Variants in ZNF679 observed in about 807,000 individuals in gnomAD.
ZNF679 encodes the protein hypothetical protein MGC42415.
In ZNF679, 10 loss-of-function variants were observed where a neutral mutation model predicts 13.4. That is an observed-to-expected ratio of 0.75 (90% CI 0.46 to 1.27). ZNF679 has a LOEUF of 1.27. Among genes scored for constraint, ZNF679 ranks in the 50% most tolerant of loss-of-function variants. The probability of loss-of-function intolerance (pLI) is 0.00; values close to 1 mark genes in which losing one functional copy is unlikely to be tolerated. For synonymous variants in ZNF679, 179 were observed against 162.5 expected, an observed-to-expected ratio of 1.10 and a Z score of -0.77; for missense variants, 525 against 477.8, an observed-to-expected ratio of 1.10 and a Z score of -0.92.
chr7:64,234,220 A>G (rs1787678435), intron 1 of ZNF679, among the ~76,000 whole-genome samples: 1 of 152,238 alleles, frequency 6.6e-6, no homozygotes, highest in African/African-American at 2.4e-5. Flanking sequence ...CACTATGACC[A>G]TCAGAATGCC....
Position 64,266,269 on chromosome 7 carries a change from C to G in ZNF679, c.636C>G (p.Tyr212Ter). 1 of 1,592,600 alleles carries G rather than the reference C, an allele frequency of 6.3e-7. No homozygotes were observed. The highest frequency in any genetic ancestry group is 1.1e-5 in the South Asian group (1 of 89,406). Reference sequence around the variant, plus strand: ...TAATTCATACTAGGGAGAATTCCTACCAATGTGAAGAATGCGGCAAACCCT... The same window carrying G: ...TAATTCATACTAGGGAGAATTCCTAGCAATGTGAAGAATGCGGCAAACCCT... ...HQIIHTRENS[Y>*]QCEECGKPFN... is the part of the protein sequence containing the mutation. Residue 212 changes from tyrosine (Y) to a stop codon, truncating the protein, a stop_gained, in exon 5 of 5, where the codon TAC (tyrosine) becomes TAG (stop). Transcript: ENST00000421025. LOFTEE classifies it low-confidence loss of function (END_TRUNC).
intron 1 of ZNF679, among the ~76,000 whole-genome samples, chr7:64,247,682 T>G (rs1787886712): frequency 1.3e-5 from 2 of 151,972 alleles, no homozygotes; most frequent in Admixed American, 1.3e-4. Context: ...GCCTCCCAAA[T>G]AGCTGATTAC....
At chr7:64,258,498 C>T (rs556991907) in intron 2 of ZNF679, among the ~76,000 whole-genome samples, 69 of 151,312 alleles carry the variant, frequency 4.6e-4, no homozygotes, top group African/African-American at 1.6e-3. Flanking sequence ...GTCAGGAGTT[C>T]GAGACCAGCC....
rs1371368163 is a variant in ZNF679 at position 64,256,343 on chromosome 7, G to C, written c.40-3878G>C. 3.3e-5 allele frequency among the ~76,000 whole-genome samples: 5 copies of C among 152,084 alleles called. No homozygotes were observed. In the East Asian group the frequency reaches 7.7e-4, roughly 23 times the overall value. On this transcript the variant is annotated intron_variant, in intron 2 of 4. Transcript: ENST00000421025. ...TTGAAGACATACAGGTTTATGTCTT[G>C]TTTTTCATATCGTAAATAGTGCTGT...
chr7:64,266,647 C>G lies in ZNF679; in HGVS notation c.1014C>G (p.Thr338=), dbSNP rs748379747. ...GCAAAGCCTTTAACTGCTCCTCAACCCTTAAGAAACATAAGATAATTCATA... is the reference window on the plus strand; with the variant it reads ...GCAAAGCCTTTAACTGCTCCTCAACGCTTAAGAAACATAAGATAATTCATA... The part of the protein sequence containing the change: ...ECGKAFNCSS[T]LKKHKIIHTG... Residue 338 remains threonine, a synonymous_variant, in exon 5 of 5, where the codon ACC becomes ACG. Transcript: ENST00000421025. The G allele has an allele frequency of 1.2e-6, 2 of 1,610,172 alleles. No individual in the cohort carries two copies. The highest frequency in any genetic ancestry group is 8.5e-7 in the Non-Finnish European group (1 of 1,176,934).
chr7:64,259,900 C>T (rs1788052297), intron 2 of ZNF679, among the ~76,000 whole-genome samples: 1 of 151,758 alleles, frequency 6.6e-6, no homozygotes, highest in Non-Finnish European at 1.5e-5. Context: ...TGCACTCCAC[C>T]CTGGGCAACA....
At chr7:64,250,265 G>GTTTTTTTTTTTTTTT (rs11434714) in intron 2 of ZNF679, among the ~76,000 whole-genome samples, 2 of 91,318 alleles carry the variant, frequency 2.2e-5, no homozygotes, top group Non-Finnish European at 3.9e-5. Flanking sequence ...CTTTCCCTTG[G>GTTTTTTTTTTTTTTT]TTTTTTTTTT....
intron 2 of ZNF679, among the ~76,000 whole-genome samples, chr7:64,258,860 T>A (rs76228913): frequency 0.064 from 5,066 of 79,684 alleles, 184 homozygotes; most frequent in East Asian, 0.49. Context: ...TGAAAAAAAA[T>A]TTTTCTATAT....
chr7:64,238,829 G>T (rs1787758789), intron 1 of ZNF679, among the ~76,000 whole-genome samples: 1 of 152,110 alleles, frequency 6.6e-6, no homozygotes, highest in Non-Finnish European at 1.5e-5. Context: ...GACTCTCACT[G>T]CACCTGCCCA....
At chr7:64,245,421 A>AAGAGAGAGAGAGAG (rs372896063) in intron 1 of ZNF679, among the ~76,000 whole-genome samples, 7 of 81,314 alleles carry the variant, frequency 8.6e-5, no homozygotes, top group African/African-American at 4.6e-4. Flanking sequence ...GAGAGAGAGA[A>AAGAGAGAGAGAGAG]AGAGAGAGAG....
chr7:64,228,794 C>T (rs1787596107), intron 1 of ZNF679, 142 bp downstream of exon 1: 1 of 152,224 alleles, frequency 6.6e-6, no homozygotes, highest in African/African-American at 2.4e-5. Flanking sequence ...CTCAGAGTCA[C>T]TATCCTACCT....
intron 1 of ZNF679, among the ~76,000 whole-genome samples, chr7:64,238,483 G>T (rs1170381201): frequency 6.6e-6 from 1 of 152,266 alleles, no homozygotes; most frequent in Non-Finnish European, 1.5e-5. Flanking sequence ...TGCCTCCAGG[G>T]TTCAAGCGAT....
intron 1 of ZNF679, among the ~76,000 whole-genome samples, chr7:64,243,713 C>T (rs559969498): frequency 2.0e-5 from 3 of 152,232 alleles, no homozygotes; most frequent in East Asian, 1.9e-4. Flanking sequence ...GTATATTTCA[C>T]AATCTAAACT....
At chr7:64,236,840 G>A (rs1323235387) in intron 1 of ZNF679, among the ~76,000 whole-genome samples, 1 of 129,586 alleles carries the variant, frequency 7.7e-6, no homozygotes, top group African/African-American at 2.9e-5. Flanking sequence ...GAAAAAAGGA[G>A]AGAAAGAAAC....
intron 1 of ZNF679, among the ~76,000 whole-genome samples, chr7:64,237,073 T>A (rs926444348): frequency 1.9e-4 from 29 of 152,036 alleles, no homozygotes; most frequent in African/African-American, 6.8e-4. Flanking sequence ...TGGTTAGGGC[T>A]ACAGAGACTG....
chr7:64,256,798 A>G (rs1788010901), intron 2 of ZNF679, among the ~76,000 whole-genome samples: 1 of 151,616 alleles, frequency 6.6e-6, no homozygotes, highest in Non-Finnish European at 1.5e-5. Context: ...TCTGGTTTCA[A>G]GCAATTCTCC....
intron 1 of ZNF679, among the ~76,000 whole-genome samples, chr7:64,241,315 C>T (rs1787795795): frequency 6.6e-6 from 1 of 152,216 alleles, no homozygotes; most frequent in Non-Finnish European, 1.5e-5. Context: ...TGTGTATTTC[C>T]CAATCCCAAT....
rs1788161170 is a variant in ZNF679 at position 64,266,793 on chromosome 7, A to C, written c.1160A>C (p.Lys387Thr). 4 of 1,607,866 alleles carry C rather than the reference A, an allele frequency of 2.5e-6. No homozygotes were observed. The highest frequency in any genetic ancestry group is 3.4e-6 in the Non-Finnish European group (4 of 1,176,688). The change falls in exon 5 of 5, where the codon AAA becomes ACA. Residue 387 changes from lysine (K) to threonine (T), a missense_variant. Physicochemically the swap from Lys to Thr is moderately conservative, Grantham distance 78 (BLOSUM62 -1). Coordinates refer to ENST00000421025, the MANE Select transcript of ZNF679 (RefSeq NM_153363.3). ...CCCTACAAATGTGAAGAATGTGACA[A>C]AGCTTTTAAGTGGTCCTCAAGTCTT... ...EEPYKCEECD[K>T]AFKWSSSLAN...
Position 64,266,572 on chromosome 7 carries a change from C to T in ZNF679, c.939C>T (p.Tyr313=), listed in dbSNP as rs746755749. ...TTAGCTTATCCTCATCCCTCACTTA[C>T]CACAAGAGAATTCATACTGGAGAGA... The part of the protein sequence containing the change: ...KAFSLSSSLT[Y]HKRIHTGEKP... The change falls in exon 5 of 5, where the codon TAC becomes TAT. Residue 313 remains tyrosine, a synonymous_variant. Transcript: ENST00000421025. The T allele has an allele frequency of 1.9e-6, 3 of 1,604,584 alleles. No homozygotes were observed. Among genetic ancestry groups the T allele is most frequent in the South Asian group, 1.1e-5 (1 of 90,606 alleles).
Sources: gnomAD v4.1 joint callset for allele counts (sites outside exome capture counted in the v4.1 genomes callset) on GRCh38, gnomAD v4.1.1 for gene constraint, MANE v1.5 for transcripts, NCBI Gene and HGNC (gene_info 2026-07-23, HGNC 2026-07-21) for gene names.